The following STARD13 variants were observed in gnomAD, a reference collection of about 807,000 sequenced individuals.
The protein encoded by STARD13 is stAR-related lipid transfer protein 13.
STARD13 carries 62 observed loss-of-function variants against 106.4 expected under a neutral mutation model. The observed-to-expected ratio is 0.58, with a 90% CI of 0.48 to 0.72. The LOEUF is 0.72. Among genes scored for constraint, STARD13 ranks in the 30% least tolerant of loss-of-function variants. The probability of loss-of-function intolerance (pLI) is 0.00; values close to 1 mark genes in which losing one functional copy is unlikely to be tolerated. For synonymous variants in STARD13, 565 were observed against 553.0 expected (o/e 1.02, Z -0.31); for missense variants, 1,387 against 1,424.0 (o/e 0.97, Z 0.42).
the STARD13 span, among the ~76,000 whole-genome samples, chr13:33,602,053 A>C: frequency 1.3e-5 from 2 of 151,794 alleles, no homozygotes; most frequent in Non-Finnish European, 2.9e-5. Flanking sequence ...TGGGGATGAT[A>C]TAATCTGAAC....
the STARD13 span, among the ~76,000 whole-genome samples, chr13:33,666,594 C>T: frequency 6.0e-5 from 9 of 150,154 alleles, no homozygotes; most frequent in Admixed American, 5.3e-4. Context: ...TGCACCCAGC[C>T]TATTTATTTT....
the STARD13 span, among the ~76,000 whole-genome samples, chr13:33,561,450 C>T: frequency 3.2e-4 from 48 of 151,672 alleles, 3 homozygotes; most frequent in African/African-American, 1.1e-3. Context: ...TATCTTCTTA[C>T]TTTCTAATTG....
chr13:33,633,168 G>T, the STARD13 span, among the ~76,000 whole-genome samples: 1 of 152,144 alleles, frequency 6.6e-6, no homozygotes, highest in East Asian at 1.9e-4. Context: ...ACCCTTGTGG[G>T]TACTTAGAAA....
intron 1 of STARD13, among the ~76,000 whole-genome samples, chr13:33,293,588 C>A (rs1450585595): frequency 6.6e-6 from 1 of 152,066 alleles, no homozygotes; most frequent in Non-Finnish European, 1.5e-5. Flanking sequence ...TTTAAGGATA[C>A]AAAATATTGA....
At chr13:33,523,780 G>A in the STARD13 span, among the ~76,000 whole-genome samples, 2 of 152,020 alleles carry the variant, frequency 1.3e-5, no homozygotes, top group African/African-American at 4.8e-5. Context: ...GAAACAAAGT[G>A]GATTGAATAT....
At chr13:33,588,552 T>C in the STARD13 span, among the ~76,000 whole-genome samples, 17 of 152,212 alleles carry the variant, frequency 1.1e-4, no homozygotes, top group Non-Finnish European at 1.9e-4. Context: ...GGTTTTCTCC[T>C]TCAGGATAAT....
In STARD13 at chr13:33,240,461, C is replaced by G. The variant is rs192414175; in HGVS notation, c.169+45009G>C. On this transcript the variant is annotated intron_variant, in intron 1 of 13. Coordinates refer to ENST00000336934, the MANE Select transcript of STARD13 (RefSeq NM_178006.4). ...TTTTGATAGGTATTGCACTGGATCT[C>G]TAGATCACTTTGAGTAGTATAAACA... is the stretch of plus-strand genomic sequence containing the variant. Among the ~76,000 whole-genome samples the G allele has an allele frequency of 9.2e-5, 14 of 152,274 alleles. No homozygotes were observed. The East Asian group carries it at 2.7e-3, about 29-fold the overall frequency.
chr13:33,396,137 G>A, the STARD13 span, among the ~76,000 whole-genome samples: 2 of 152,078 alleles, frequency 1.3e-5, no homozygotes, highest in African/African-American at 4.8e-5. Flanking sequence ...ACAGGCATGT[G>A]CCACCATGTC....
At chr13:33,571,588 G>A in the STARD13 span, among the ~76,000 whole-genome samples, 17 of 152,124 alleles carry the variant, frequency 1.1e-4, no homozygotes, top group Admixed American at 5.2e-4. Context: ...CCCCATCATT[G>A]CCTTGCCAGC....
intron 3 of STARD13, among the ~76,000 whole-genome samples, chr13:33,154,051 C>T (rs919788965): frequency 4.6e-5 from 7 of 152,188 alleles, no homozygotes; most frequent in Non-Finnish European, 1.0e-4. Context: ...TTGGAAAATG[C>T]AGATTCTGGA....
the STARD13 span, among the ~76,000 whole-genome samples, chr13:33,676,330 C>T: frequency 6.6e-6 from 1 of 152,192 alleles, no homozygotes; most frequent in African/African-American, 2.4e-5. Context: ...CACCCAGACC[C>T]CCTTTCAACT....
chr13:33,144,367 CT>C (rs34574463), intron 3 of STARD13, among the ~76,000 whole-genome samples: 49,914 of 152,092 alleles, frequency 0.33, 9,152 homozygotes, highest in Non-Finnish European at 0.43. Context: ...TCTATGATGT[CT>C]TTGAAGTCTT....
chr13:33,537,599 A>T, the STARD13 span, among the ~76,000 whole-genome samples: 3 of 152,190 alleles, frequency 2.0e-5, no homozygotes, highest in Non-Finnish European at 4.4e-5. Context: ...CCTGTGGGCA[A>T]TGTTTTATAT....
At chr13:33,140,367 T>C (rs1174330369) in intron 4 of STARD13, among the ~76,000 whole-genome samples, 1 of 152,246 alleles carries the variant, frequency 6.6e-6, no homozygotes, top group Non-Finnish European at 1.5e-5. Context: ...AGGAACCATG[T>C]GTTCCAATCA....
At chr13:33,345,119 T>G (rs1043058227), downstream of STARD13, among the ~76,000 whole-genome samples, 9 of 152,306 alleles carry the variant, frequency 5.9e-5, no homozygotes, top group Non-Finnish European at 1.2e-4. Context: ...CATGTAGGGT[T>G]TACAACAGCA....
At chr13:33,528,257 C>CATATATATATATGTATATATAT in the STARD13 span, among the ~76,000 whole-genome samples, 1 of 92,930 alleles carries the variant, frequency 1.1e-5, no homozygotes, top group African/African-American at 6.5e-5. Flanking sequence ...TATATATATA[C>CATATATATATATGTATATATAT]ATATATATAT....
chr13:33,629,404 A>G, the STARD13 span, among the ~76,000 whole-genome samples: 4 of 152,244 alleles, frequency 2.6e-5, no homozygotes, highest in East Asian at 5.8e-4. Flanking sequence ...TGTCTTGTTT[A>G]GAAGTGAATA....
At chr13:33,361,085 G>A in the STARD13 span, among the ~76,000 whole-genome samples, 9 of 149,912 alleles carry the variant, frequency 6.0e-5, no homozygotes, top group South Asian at 4.3e-4. Flanking sequence ...GATTACAGGC[G>A]TGAACCACCG....
chr13:33,423,964 G>A, the STARD13 span, among the ~76,000 whole-genome samples: 7 of 152,100 alleles, frequency 4.6e-5, no homozygotes, highest in Non-Finnish European at 8.8e-5. Flanking sequence ...AGCTGGGGGA[G>A]GGATAGCATT....
Sources: gnomAD v4.1 joint callset for allele counts (sites outside exome capture counted in the v4.1 genomes callset) on GRCh38, gnomAD v4.1.1 for gene constraint, MANE v1.5 for transcripts, NCBI Gene and HGNC (gene_info 2026-07-23, HGNC 2026-07-21) for gene names.